Variants in DNER observed in about 807,000 individuals in gnomAD.
DNER encodes delta and Notch-like epidermal growth factor-related receptor.
DNER carries 33 observed loss-of-function variants against 78.2 expected under a neutral mutation model. The observed-to-expected ratio is 0.42, with a 90% CI of 0.32 to 0.56. The LOEUF is 0.56. DNER is among the 20% of genes least tolerant of loss of function. The probability of loss-of-function intolerance (pLI) is 0.11; values close to 1 mark genes in which losing one functional copy is unlikely to be tolerated. For synonymous variants in DNER, 417 were observed against 384.8 expected (o/e 1.08, Z -0.98); for missense variants, 918 against 975.3 (o/e 0.94, Z 0.78).
chr2:229,583,941 A>G (rs1697449040), intron 4 of DNER, among the ~76,000 whole-genome samples: 1 of 152,222 alleles, frequency 6.6e-6, no homozygotes, highest in South Asian at 2.1e-4. Flanking sequence ...CTTTTCACCC[A>G]GTAAAATTCC....
At chr2:229,558,526 G>A (rs182421730) in intron 4 of DNER, among the ~76,000 whole-genome samples, 38 of 152,186 alleles carry the variant, frequency 2.5e-4, no homozygotes, top group African/African-American at 7.5e-4. Flanking sequence ...TGTAAAATTC[G>A]AGTTATTTCA....
At chr2:229,554,726 C>T (rs1053292694) in intron 4 of DNER, among the ~76,000 whole-genome samples, 23 of 151,326 alleles carry the variant, frequency 1.5e-4, no homozygotes, top group Non-Finnish European at 3.2e-4. Flanking sequence ...ATTAGTTGGG[C>T]GTGATGGCAC....
intron 6 of DNER, among the ~76,000 whole-genome samples, chr2:229,482,940 T>A (rs1254455458): frequency 6.6e-6 from 1 of 152,122 alleles, no homozygotes; most frequent in Non-Finnish European, 1.5e-5. Context: ...CAAAGAAAAG[T>A]GCAAAATCCA....
intron 8 of DNER, among the ~76,000 whole-genome samples, chr2:229,429,270 G>T (rs1242085788): frequency 6.6e-6 from 1 of 152,136 alleles, no homozygotes; most frequent in Non-Finnish European, 1.5e-5. Flanking sequence ...AGTACTTTTT[G>T]TAACTCAGTA....
intron 1 of DNER, among the ~76,000 whole-genome samples, chr2:229,691,065 C>T (rs996923708): frequency 2.0e-5 from 3 of 152,152 alleles, no homozygotes; most frequent in Non-Finnish European, 4.4e-5. Context: ...TTCAGACCAA[C>T]CATCCTGCTG....
intron 7 of DNER, among the ~76,000 whole-genome samples, chr2:229,456,009 G>A: frequency 6.6e-6 from 1 of 152,078 alleles, no homozygotes; most frequent in Non-Finnish European, 1.5e-5. Flanking sequence ...AACACCTGGG[G>A]TATAGCAGTA....
At chr2:229,520,360 C>T (rs1304921984) in intron 5 of DNER, among the ~76,000 whole-genome samples, 1 of 152,194 alleles carries the variant, frequency 6.6e-6, no homozygotes, top group Admixed American at 6.5e-5. Context: ...TAACAGGCCC[C>T]TAACTCTGAA....
At chr2:229,393,644 G>A (rs867130916) in intron 10 of DNER, among the ~76,000 whole-genome samples, 7 of 152,008 alleles carry the variant, frequency 4.6e-5, no homozygotes, top group African/African-American at 7.2e-5. Flanking sequence ...TCAGGAGATC[G>A]AGACCATCCT....
At chr2:229,654,793 C>A (rs564679188) in intron 1 of DNER, among the ~76,000 whole-genome samples, 1 of 152,212 alleles carries the variant, frequency 6.6e-6, no homozygotes, top group Admixed American at 6.5e-5. Context: ...TCACAAGCCA[C>A]CTGAAATTCA....
chr2:229,494,303 G>A (rs1695459942), intron 6 of DNER, among the ~76,000 whole-genome samples: 1 of 152,168 alleles, frequency 6.6e-6, no homozygotes, highest in African/African-American at 2.4e-5. Flanking sequence ...CCCAAAGTGT[G>A]ATTTATCCTG....
intron 1 of DNER, among the ~76,000 whole-genome samples, chr2:229,604,738 C>T (rs1367646096): frequency 6.6e-6 from 1 of 152,028 alleles, no homozygotes; most frequent in Admixed American, 6.5e-5. Flanking sequence ...CATCTGCTCC[C>T]GGGAATAGGA....
chr2:229,598,195 G>A (rs1035270674), intron 1 of DNER, among the ~76,000 whole-genome samples: 18 of 152,224 alleles, frequency 1.2e-4, no homozygotes, highest in Admixed American at 1.2e-3. Flanking sequence ...CCTGGATGAT[G>A]GTGGGGCCTG....
chr2:229,676,994 G>T (rs1464124591), intron 1 of DNER, among the ~76,000 whole-genome samples: 3 of 152,272 alleles, frequency 2.0e-5, no homozygotes, highest in African/African-American at 7.2e-5. Context: ...CACTTAGTAT[G>T]TGATGTTACC....
At chr2:229,526,095 A>G (rs1222725523) in intron 5 of DNER, among the ~76,000 whole-genome samples, 2 of 152,230 alleles carry the variant, frequency 1.3e-5, no homozygotes. Flanking sequence ...GGTCTCTGGA[A>G]GAAACTTAAC....
intron 1 of DNER, among the ~76,000 whole-genome samples, chr2:229,640,248 C>T (rs898034506): frequency 3.3e-5 from 5 of 152,220 alleles, no homozygotes; most frequent in African/African-American, 7.2e-5. Flanking sequence ...GGCAGGCCTT[C>T]GCCTCCTCTG....
At chr2:229,497,106 C>T (rs1695517562) in intron 6 of DNER, among the ~76,000 whole-genome samples, 1 of 152,110 alleles carries the variant, frequency 6.6e-6, no homozygotes. Flanking sequence ...ATAATATTTT[C>T]ATATTACAAT....
intron 5 of DNER, among the ~76,000 whole-genome samples, chr2:229,545,906 A>T (rs1285876179): frequency 6.6e-6 from 1 of 152,224 alleles, no homozygotes; most frequent in African/African-American, 2.4e-5. Context: ...AAATGCGAAG[A>T]CTAAGGAGGA....
chr2:229,567,832 C>A (rs1237501399), intron 4 of DNER, among the ~76,000 whole-genome samples: 1 of 152,174 alleles, frequency 6.6e-6, no homozygotes. Context: ...AAAAGAGTCT[C>A]CCTTATCTGT....
At chr2:229,673,705 G>A (rs768092131) in intron 1 of DNER, among the ~76,000 whole-genome samples, 24 of 152,152 alleles carry the variant, frequency 1.6e-4, no homozygotes, top group Admixed American at 3.9e-4. Context: ...AAAGAAAACC[G>A]AGGCACCAAT....
Sources: allele counts gnomAD v4.1 joint callset (sites outside exome capture counted in the v4.1 genomes callset), GRCh38; gene constraint gnomAD v4.1.1; transcripts MANE v1.5; gene names NCBI Gene and HGNC (gene_info 2026-07-23, HGNC 2026-07-21).